Variants in UBE4B observed in about 807,000 individuals in gnomAD.
The protein encoded by UBE4B is ubiquitination factor E4B, also known as ubiquitin conjugation factor E4 B.
UBE4B carries 27 observed loss-of-function variants against 148.1 expected under a neutral mutation model. That is an observed-to-expected ratio of 0.18 (90% CI 0.13 to 0.25). The LOEUF is 0.25. Among genes scored for constraint, UBE4B ranks in the 10% least tolerant of loss-of-function variants. UBE4B has a pLI of 1.00. For synonymous variants in UBE4B, 596 were observed against 619.3 expected (o/e 0.96, Z 0.56); for missense variants, 1,170 against 1,662.4 (o/e 0.70, Z 5.15).
intron 2 of UBE4B, among the ~76,000 whole-genome samples, chr1:10,090,138 T>TA (rs1644823344): frequency 6.6e-6 from 1 of 151,616 alleles, no homozygotes; most frequent in East Asian, 1.9e-4. Flanking sequence ...TTTTTTTTTT[T>TA]AGGCATGGTT....
rs114117645 is a variant in UBE4B at position 10,062,020 on chromosome 1, C to G, written c.25-10008C>G. On this transcript the variant is annotated intron_variant, in intron 1 of 27. Coordinates refer to ENST00000343090, the MANE Select transcript of UBE4B (RefSeq NM_001105562.3). Reference sequence around the variant, plus strand: ...CGCCTCCTGGGTTAAAGCTTTTCTTCTGCCTCAGCTTCCTGAGTATCTGGG... The same window carrying G: ...CGCCTCCTGGGTTAAAGCTTTTCTTGTGCCTCAGCTTCCTGAGTATCTGGG... Among the ~76,000 whole-genome samples the G allele has an allele frequency of 9.9e-3, 1,483 of 150,256 alleles. 23 individuals are homozygous for G. The highest frequency in any genetic ancestry group is 0.034 in the African/African-American group (1,399 of 40,904).
intron 1 of UBE4B, among the ~76,000 whole-genome samples, chr1:10,041,668 T>A (rs1643775012): frequency 6.6e-6 from 1 of 151,812 alleles, no homozygotes; most frequent in African/African-American, 2.4e-5. Flanking sequence ...CCTTCTGAGA[T>A]AGGAAGTGGA....
At chr1:10,163,119 C>G (rs948259691) in intron 23 of UBE4B, 2 of 151,540 alleles carry the variant, frequency 1.3e-5, no homozygotes, top group Admixed American at 6.6e-5. Context: ...AGTGCACTGG[C>G]AGGATCATAG....
intron 18 of UBE4B, among the ~76,000 whole-genome samples, chr1:10,146,140 G>A (rs1298096361): frequency 6.6e-6 from 1 of 152,152 alleles, no homozygotes; most frequent in African/African-American, 2.4e-5. Context: ...CCACAGATGT[G>A]TTTCAAGGGG....
Position 10,161,844 on chromosome 1 carries a change from T to C in UBE4B, c.3198+558T>C, listed in dbSNP as rs911418157. Among the ~76,000 whole-genome samples, 4 of 152,186 alleles carry C rather than the reference T, an allele frequency of 2.6e-5. No individual in the cohort carries two copies. Among genetic ancestry groups the C allele is most frequent in the Admixed American group, 2.6e-4 (4 of 15,276 alleles). Reference sequence around the variant, plus strand: ...GCGTAGCAGCCACTGAGATACTTCCTTGGTCGCTTATGAGGCCCTTGACAG... The same window carrying C: ...GCGTAGCAGCCACTGAGATACTTCCCTGGTCGCTTATGAGGCCCTTGACAG... On this transcript the variant is annotated intron_variant, in intron 23 of 27. Transcript: ENST00000343090. The surrounding 1 kb of genome is among the most constrained non-coding windows in gnomAD (Gnocchi z 4.1).
intron 15 of UBE4B, among the ~76,000 whole-genome samples, chr1:10,134,436 C>T (rs567051365): frequency 3.9e-5 from 6 of 151,974 alleles, no homozygotes; most frequent in African/African-American, 1.4e-4. Flanking sequence ...CACTTGAACC[C>T]GGGAGGCGGA....
intron 16 of UBE4B, among the ~76,000 whole-genome samples, chr1:10,136,347 G>A (rs1645682647): frequency 6.6e-6 from 1 of 152,088 alleles, no homozygotes; most frequent in Non-Finnish European, 1.5e-5. Flanking sequence ...GCACATGCCT[G>A]TGTTCCCAGC....
chr1:10,081,177 C>T (rs1644673664), intron 2 of UBE4B, among the ~76,000 whole-genome samples: 1 of 152,110 alleles, frequency 6.6e-6, no homozygotes, highest in South Asian at 2.1e-4. Context: ...ATTCTCCTGC[C>T]TCAGCCTCCT....
At chr1:10,043,502 C>T (rs1643853061) in intron 1 of UBE4B, among the ~76,000 whole-genome samples, 1 of 147,748 alleles carries the variant, frequency 6.8e-6, no homozygotes, top group African/African-American at 2.5e-5. Context: ...TCTCGGCTCA[C>T]TGCAAGCTCC....
At chr1:10,120,467 C>T (rs1226092435) in intron 9 of UBE4B, among the ~76,000 whole-genome samples, 5 of 151,434 alleles carry the variant, frequency 3.3e-5, no homozygotes, top group East Asian at 2.0e-4. Flanking sequence ...AGGTTGCAGC[C>T]GAGATCGTGC....
In UBE4B at chr1:10,095,532, A is replaced by G; in HGVS notation, c.283A>G (p.Thr95Ala). ...LSSSPSNSLE[T>A]QSQSLSRSQS... ...CAGCTCGCCCTCTAATAGCCTTGAA[A>G]CGCAATCTCAGTCTCTCTCACGTTC... The change falls in exon 3 of 28, where the codon ACG (threonine) becomes GCG (alanine). Residue 95 changes from threonine (T) to alanine (A), a missense_variant. Physicochemically the swap from Thr to Ala is moderately conservative, Grantham distance 58. Transcript: ENST00000343090. 6.2e-7 allele frequency: 1 copy of G among 1,614,086 alleles called. No individual in the cohort carries two copies. The highest frequency in any genetic ancestry group is 8.5e-7 in the Non-Finnish European group (1 of 1,180,022).
At chr1:10,069,054 C>T (rs1238074428) in intron 1 of UBE4B, among the ~76,000 whole-genome samples, 4 of 152,222 alleles carry the variant, frequency 2.6e-5, no homozygotes, top group Non-Finnish European at 4.4e-5. Context: ...GATTCTTCAA[C>T]CTTTTTTGAA....
chr1:10,178,703 C>T lies in UBE4B; in HGVS notation c.3585C>T (p.Ile1195=). 1 of 1,613,826 alleles carries T rather than the reference C, an allele frequency of 6.2e-7. No individual in the cohort carries two copies. The highest frequency in any genetic ancestry group is 8.5e-7 in the Non-Finnish European group (1 of 1,179,944). ...EVISKMRKAG[I]KSTIAIEKFK... is the part of the protein sequence containing the mutation. The stretch of plus-strand genomic sequence containing the variant: ...TTTCAAAGATGCGGAAGGCAGGGAT[C>T]AAATCCACAATAGCAATAGAAAAAT... Residue 1195 remains isoleucine (I), a synonymous_variant, in exon 26 of 28, where the codon ATC becomes ATT. Coordinates refer to ENST00000343090, the MANE Select transcript of UBE4B (RefSeq NM_001105562.3).
intron 1 of UBE4B, among the ~76,000 whole-genome samples, chr1:10,065,041 G>A (rs1364472271): frequency 6.6e-6 from 1 of 152,120 alleles, no homozygotes; most frequent in Non-Finnish European, 1.5e-5. Flanking sequence ...GGGATTAAAG[G>A]TGTGAGCCAC....
At chr1:10,170,482 G>A (rs530666457) in intron 24 of UBE4B, among the ~76,000 whole-genome samples, 152 of 152,192 alleles carry the variant, frequency 1.0e-3, no homozygotes, top group Non-Finnish European at 1.9e-3. Flanking sequence ...CCTGTTTCAG[G>A]TTTGCTTAAA....
intron 17 of UBE4B, among the ~76,000 whole-genome samples, chr1:10,138,664 C>G (rs1165644534): frequency 6.6e-6 from 1 of 152,060 alleles, no homozygotes; most frequent in African/African-American, 2.4e-5. Context: ...AGTGCCCAGG[C>G]TGTAATTTTT....
At chr1:10,094,105 T>C (rs1037471934) in intron 2 of UBE4B, among the ~76,000 whole-genome samples, 1 of 152,196 alleles carries the variant, frequency 6.6e-6, no homozygotes, top group African/African-American at 2.4e-5. Context: ...TAGGAAGATA[T>C]TCATAGAGTT....
At chr1:10,066,470 A>C (rs1644390410) in intron 1 of UBE4B, among the ~76,000 whole-genome samples, 1 of 152,066 alleles carries the variant, frequency 6.6e-6, no homozygotes, top group African/African-American at 2.4e-5. Context: ...TTTAGATCAC[A>C]GAGCTGTGAT....
intron 1 of UBE4B, among the ~76,000 whole-genome samples, chr1:10,035,423 G>A (rs1363492671): frequency 8.6e-6 from 1 of 116,782 alleles, no homozygotes; most frequent in African/African-American, 3.5e-5. Context: ...TTGAGGCGGA[G>A]TCTCGCTCTG....
Sources: gnomAD v4.1 joint callset for allele counts (sites outside exome capture counted in the v4.1 genomes callset) on GRCh38, gnomAD v4.1.1 for gene constraint, Gnocchi (gnomAD v3.1) non-coding constraint, MANE v1.5 for transcripts, NCBI Gene and HGNC (gene_info 2026-07-23, HGNC 2026-07-21) for gene names.